CNBD1: variants seen among roughly 807,000 people sequenced by gnomAD.
CNBD1 encodes the protein cyclic nucleotide-binding domain-containing protein 1.
CNBD1 carries 71 observed loss-of-function variants against 54.4 expected under a neutral mutation model. That is an observed-to-expected ratio of 1.30 (90% CI 1.08 to 1.59). The LOEUF is 1.59. Among genes scored for constraint, CNBD1 ranks in the 40% most tolerant of loss-of-function variants. CNBD1 has a pLI of 0.00. For missense variants in CNBD1, 659 were observed against 518.0 expected, an observed-to-expected ratio of 1.27 and a Z score of -2.64; for synonymous variants, 182 against 170.7, an observed-to-expected ratio of 1.07 and a Z score of -0.51.
At chr8:87,358,291 A>G (rs2130934022) in intron 10 of CNBD1, among the ~76,000 whole-genome samples, 1 of 152,304 alleles carries the variant, frequency 6.6e-6, no homozygotes, top group African/African-American at 2.4e-5. Context: ...TCATATGTCT[A>G]ATTTTAAAAG....
intron 4 of CNBD1, among the ~76,000 whole-genome samples, chr8:87,102,995 T>G (rs11778538): frequency 0.19 from 29,286 of 152,112 alleles, 3,151 homozygotes; most frequent in Non-Finnish European, 0.25. Flanking sequence ...AGGAGTTTGA[T>G]TCAGGCAATT....
intron 4 of CNBD1, among the ~76,000 whole-genome samples, chr8:86,964,321 G>T (rs1808015068): frequency 1.3e-5 from 2 of 152,016 alleles, no homozygotes; most frequent in South Asian, 2.1e-4. Flanking sequence ...CATCATTGGG[G>T]TCCCATTTAG....
intron 4 of CNBD1, among the ~76,000 whole-genome samples, chr8:87,167,021 T>G (rs991299478): frequency 6.6e-6 from 1 of 151,974 alleles, no homozygotes; most frequent in African/African-American, 2.4e-5. Context: ...ACATTTTTGA[T>G]TGTAGAAATA....
chr8:87,172,483 ATTG>A (rs1322320801), intron 4 of CNBD1, among the ~76,000 whole-genome samples: 2 of 151,714 alleles, frequency 1.3e-5, no homozygotes, highest in Admixed American at 6.6e-5. Context: ...GTCTCCAGGT[ATTG>A]TTGTTTGAGG....
chr8:87,168,984 T>A (rs932107433), intron 4 of CNBD1, among the ~76,000 whole-genome samples: 7 of 152,098 alleles, frequency 4.6e-5, no homozygotes, highest in Admixed American at 3.9e-4. Context: ...GCACCCTTTT[T>A]AGCTTTTTGA....
At chr8:87,301,588 T>G (rs1212284923) in intron 8 of CNBD1, among the ~76,000 whole-genome samples, 1 of 151,738 alleles carries the variant, frequency 6.6e-6, no homozygotes, top group Non-Finnish European at 1.5e-5. Flanking sequence ...AGAACGCAAG[T>G]CAATAAATGT....
intron 4 of CNBD1, among the ~76,000 whole-genome samples, chr8:86,968,605 A>C (rs1355792678): frequency 6.6e-6 from 1 of 152,238 alleles, no homozygotes; most frequent in Non-Finnish European, 1.5e-5. Context: ...CTCAGTATTC[A>C]AAGGAGAAGG....
intron 6 of CNBD1, among the ~76,000 whole-genome samples, chr8:87,262,861 T>C (rs1808171131): frequency 6.6e-6 from 1 of 152,180 alleles, no homozygotes; most frequent in Non-Finnish European, 1.5e-5. Context: ...ATCTACTATG[T>C]GTTCATTTGG....
chr8:87,347,131 C>G (rs142915982), intron 8 of CNBD1, among the ~76,000 whole-genome samples: 8 of 152,110 alleles, frequency 5.3e-5, no homozygotes, highest in African/African-American at 7.2e-5. Context: ...TCTTACCCAC[C>G]GCCAGACAGA....
chr8:87,061,776 G>C (rs1810552690), intron 4 of CNBD1, among the ~76,000 whole-genome samples: 1 of 152,160 alleles, frequency 6.6e-6, no homozygotes, highest in Admixed American at 6.6e-5. Flanking sequence ...GTAAAGTGTA[G>C]AGGCACGTTT....
intron 3 of CNBD1, among the ~76,000 whole-genome samples, chr8:86,921,318 G>A (rs4375020): frequency 6.6e-6 from 1 of 151,732 alleles, no homozygotes; most frequent in Non-Finnish European, 1.5e-5. Context: ...GAGCTCCAAG[G>A]TCTGTTGAAT....
intron 4 of CNBD1, among the ~76,000 whole-genome samples, chr8:87,123,216 A>G (rs186702165): frequency 6.0e-4 from 91 of 151,952 alleles, no homozygotes; most frequent in African/African-American, 2.0e-3. Flanking sequence ...ATAATATACC[A>G]TAATGTACTT....
At chr8:86,877,250 A>T (rs1047497143) in intron 1 of CNBD1, among the ~76,000 whole-genome samples, 2 of 152,104 alleles carry the variant, frequency 1.3e-5, no homozygotes, top group Non-Finnish European at 2.9e-5. Context: ...CACATTTGTT[A>T]CTCATTATTT....
chr8:86,966,782 A>T (rs73271742), intron 4 of CNBD1, among the ~76,000 whole-genome samples: 1 of 152,144 alleles, frequency 6.6e-6, no homozygotes, highest in African/African-American at 2.4e-5. Context: ...CGAAAGAGTG[A>T]GCAGCAGCAA....
intron 10 of CNBD1, among the ~76,000 whole-genome samples, chr8:87,363,696 G>A (rs1033436931): frequency 2.6e-5 from 4 of 151,798 alleles, no homozygotes; most frequent in Non-Finnish European, 4.4e-5. Flanking sequence ...CTTTTTGATG[G>A]GGTTGTTTGT....
intron 4 of CNBD1, among the ~76,000 whole-genome samples, chr8:87,043,237 T>C (rs4596672): frequency 0.21 from 32,607 of 151,970 alleles, 3,822 homozygotes; most frequent in South Asian, 0.34. Flanking sequence ...CTCAGAGCAA[T>C]TGTTCATTTT....
At chr8:86,970,582 G>A (rs1808197284) in intron 4 of CNBD1, among the ~76,000 whole-genome samples, 1 of 150,444 alleles carries the variant, frequency 6.6e-6, no homozygotes, top group Admixed American at 6.6e-5. Context: ...GTAATCAATA[G>A]GTTTTCAACC....
chr8:87,103,599 C>T (rs563515767), intron 4 of CNBD1, among the ~76,000 whole-genome samples: 1 of 152,112 alleles, frequency 6.6e-6, no homozygotes, highest in African/African-American at 2.4e-5. Flanking sequence ...AAAAGTGCAG[C>T]GTGAAGTTGG....
At chr8:87,389,596 A>G (rs112726516) in intron 2 of CNBD1, among the ~76,000 whole-genome samples, 2,274 of 152,304 alleles carry the variant, frequency 0.015, 55 homozygotes, top group African/African-American at 0.049. Context: ...TCGAAGTAAT[A>G]AAAGAGGATA....
Sources: allele counts gnomAD v4.1 joint callset (sites outside exome capture counted in the v4.1 genomes callset), GRCh38; gene constraint gnomAD v4.1.1; transcripts MANE v1.5; gene names NCBI Gene and HGNC (gene_info 2026-07-23, HGNC 2026-07-21).